Variants in CCDC85A observed in about 807,000 individuals in gnomAD.
The protein encoded by CCDC85A is coiled-coil domain containing 85A.
In CCDC85A, 38 loss-of-function variants were observed where a neutral mutation model predicts 50.2. The ratio of observed to expected loss-of-function variants is 0.76; its 90% CI spans 0.58 to 0.99. CCDC85A has a LOEUF of 0.99. Ranked by LOEUF, CCDC85A falls within the 50% of genes least tolerant of loss-of-function variation. CCDC85A has a pLI of 0.00. For synonymous variants in CCDC85A, 366 were observed against 301.4 expected (o/e 1.21, Z -2.22); for missense variants, 820 against 742.0 (o/e 1.11, Z -1.22).
chr2:56,196,646 AT>A (rs2103837434), intron 2 of CCDC85A, among the ~76,000 whole-genome samples: 1 of 152,330 alleles, frequency 6.6e-6, no homozygotes, highest in South Asian at 2.1e-4. Context: ...GTCTTGGATG[AT>A]TTAGGCTCTT....
intron 1 of CCDC85A, among the ~76,000 whole-genome samples, chr2:56,185,505 A>T (rs947623919): frequency 6.6e-6 from 1 of 152,112 alleles, no homozygotes; most frequent in African/African-American, 2.4e-5. Flanking sequence ...CGGAGTTTGG[A>T]AGGCATCCCC....
At chr2:56,349,696 G>A (rs1017548861) in intron 3 of CCDC85A, among the ~76,000 whole-genome samples, 3 of 152,174 alleles carry the variant, frequency 2.0e-5, no homozygotes, top group Non-Finnish European at 4.4e-5. Flanking sequence ...CCACGCTGCT[G>A]ATTAAACATA....
intron 2 of CCDC85A, among the ~76,000 whole-genome samples, chr2:56,213,753 T>C (rs1023442805): frequency 2.6e-5 from 4 of 151,990 alleles, no homozygotes; most frequent in African/African-American, 9.7e-5. Flanking sequence ...GTATAAAAAT[T>C]TGCTGTTTAA....
At chr2:56,275,876 A>T (rs1670911919) in intron 2 of CCDC85A, among the ~76,000 whole-genome samples, 1 of 152,188 alleles carries the variant, frequency 6.6e-6, no homozygotes, top group Non-Finnish European at 1.5e-5. Context: ...TTCATCACGA[A>T]TCTTCTGAGT....
chr2:56,214,108 G>T lies in CCDC85A; in HGVS notation c.1240+20668G>T, dbSNP rs56289543. Among the ~76,000 whole-genome samples, 630 of 145,174 alleles carry T rather than the reference G, an allele frequency of 4.3e-3. 7 individuals are homozygous for T. The highest frequency in any genetic ancestry group is 0.016 in the African/African-American group (610 of 37,972). ...ATAAGTACAGCCTTCTAAGGAAAAA[G>T]ATGACATTAGTATATATAATATGTT... On this transcript the variant is annotated intron_variant, in intron 2 of 5. Coordinates refer to ENST00000407595, the MANE Select transcript of CCDC85A (RefSeq NM_001080433.2).
chr2:56,374,547 G>A (rs959794040), intron 4 of CCDC85A, among the ~76,000 whole-genome samples: 2 of 152,176 alleles, frequency 1.3e-5, no homozygotes, highest in African/African-American at 4.8e-5. Context: ...GATTGCTCAT[G>A]CCTGTAATCC....
At chr2:56,346,569 C>T (rs1378315818) in intron 3 of CCDC85A, among the ~76,000 whole-genome samples, 1 of 152,116 alleles carries the variant, frequency 6.6e-6, no homozygotes. Flanking sequence ...CTGTGTCCTG[C>T]AAGAATCACT....
intron 3 of CCDC85A, among the ~76,000 whole-genome samples, chr2:56,351,822 A>G (rs1404583085): frequency 6.6e-6 from 1 of 151,882 alleles, no homozygotes; most frequent in African/African-American, 2.4e-5. Flanking sequence ...CTCCAATGGT[A>G]GTTTCTTTTT....
At chr2:56,222,645 C>G (rs959963826) in intron 2 of CCDC85A, among the ~76,000 whole-genome samples, 2 of 152,080 alleles carry the variant, frequency 1.3e-5, no homozygotes, top group South Asian at 2.1e-4. Context: ...AATCTGTTTT[C>G]TTGGCACAGA....
chr2:56,287,474 G>A (rs1355318996), intron 2 of CCDC85A, among the ~76,000 whole-genome samples: 1 of 152,134 alleles, frequency 6.6e-6, no homozygotes, highest in African/African-American at 2.4e-5. Context: ...ATTGCCTATT[G>A]TCCAATGTCT....
rs764302187 is a variant in CCDC85A at position 56,192,756 on chromosome 2, T to A, written c.556T>A (p.Ser186Thr). 1.9e-6 allele frequency: 3 copies of A among 1,611,884 alleles called. No homozygotes were observed. In the African/African-American group the frequency reaches 4.0e-5, roughly 22 times the overall value. Residue 186 changes from serine to threonine, a missense_variant, in exon 2 of 6, where the codon TCC (serine) becomes ACC (threonine). By Grantham distance (58) the Ser-to-Thr change is moderately conservative. Transcript: ENST00000407595. The surrounding 1 kb of genome is among the most constrained non-coding windows in gnomAD (Gnocchi z 4.7). ...KGAGCAGSRC[S>T]IDSQASLCQL... ...TGCAGGCTGCGCAGGCAGCCGCTGC[T>A]CCATCGACAGCCAGGCCAGCCTGTG... is the stretch of plus-strand genomic sequence containing the variant.
Position 56,385,912 on chromosome 2 carries a change from TTG to T in CCDC85A, c.*1558_*1559del. 1 of 152,028 alleles carries T rather than the reference TTG, an allele frequency of 6.6e-6. No homozygotes were observed. Among genetic ancestry groups the T allele is most frequent in the Non-Finnish European group, 1.5e-5 (1 of 67,794 alleles). 9.4% of individuals were successfully genotyped at this position (152,028 alleles called of 1,614,324 possible). On this transcript the variant is annotated 3_prime_UTR_variant, in exon 6 of 6. Transcript: ENST00000407595. Reference sequence around the variant, plus strand: ...TTATTACTCTATAAAAGAAAATTGCTTGCTATATTTACACCTTCTTTCCTAGG... The same window carrying T: ...TTATTACTCTATAAAAGAAAATTGCTCTATATTTACACCTTCTTTCCTAGG...
At chr2:56,219,347 C>G (rs1190727039) in intron 2 of CCDC85A, among the ~76,000 whole-genome samples, 1 of 151,234 alleles carries the variant, frequency 6.6e-6, no homozygotes, top group East Asian at 1.9e-4. Context: ...AGAGGACGTT[C>G]TTCGAACAAT....
intron 2 of CCDC85A, among the ~76,000 whole-genome samples, chr2:56,338,558 G>C (rs1028282812): frequency 6.6e-6 from 1 of 151,832 alleles, no homozygotes; most frequent in Non-Finnish European, 1.5e-5. Context: ...ATGTGGATTT[G>C]GATGTGACTT....
intron 2 of CCDC85A, among the ~76,000 whole-genome samples, chr2:56,276,860 T>C (rs949500470): frequency 1.3e-5 from 2 of 152,308 alleles, no homozygotes; most frequent in Middle Eastern, 6.8e-3. Flanking sequence ...GGATTGCAAA[T>C]GCAAACCAGT....
intron 3 of CCDC85A, among the ~76,000 whole-genome samples, chr2:56,355,036 T>C (rs995538758): frequency 6.6e-6 from 1 of 152,138 alleles, no homozygotes; most frequent in Non-Finnish European, 1.5e-5. Context: ...TGTTCCCCCA[T>C]CAGGTATACA....
chr2:56,281,057 T>C (rs769295452), intron 2 of CCDC85A, among the ~76,000 whole-genome samples: 4 of 152,112 alleles, frequency 2.6e-5, no homozygotes, highest in Non-Finnish European at 5.9e-5. Context: ...TTTAGAACAT[T>C]TCCATCACCC....
intron 2 of CCDC85A, among the ~76,000 whole-genome samples, chr2:56,255,332 TG>T (rs1028762642): frequency 4.3e-4 from 65 of 152,098 alleles, no homozygotes; most frequent in African/African-American, 1.5e-3. Flanking sequence ...TGCTAAAATG[TG>T]GGTGGTGAAG....
Position 56,372,521 on chromosome 2 carries a change from A to C in CCDC85A, c.1452+43A>C. The C allele has an allele frequency of 2.0e-6, 3 of 1,512,312 alleles. No individual in the cohort carries two copies. In the South Asian group the frequency reaches 3.9e-5, roughly 20 times the overall value. The allele number at this position is 1,512,312 out of a possible 1,614,324, so 93.7% of individuals were successfully genotyped here. ...AGCTGGATGCATTTGCTTGTGCATA[A>C]CCAGATGACTTCTGTTGCTAGAGAA... On this transcript the variant is annotated intron_variant, in intron 4 of 5. Transcript: ENST00000407595.
Sources: gnomAD v4.1 joint callset for allele counts (sites outside exome capture counted in the v4.1 genomes callset) on GRCh38, gnomAD v4.1.1 for gene constraint, Gnocchi (gnomAD v3.1) non-coding constraint, MANE v1.5 for transcripts, NCBI Gene and HGNC (gene_info 2026-07-23, HGNC 2026-07-21) for gene names.